ANKS1B: variants seen among roughly 807,000 people sequenced by gnomAD.
The protein encoded by ANKS1B is ankyrin repeat and sterile alpha motif domain-containing protein 1B.
ANKS1B carries 36 observed loss-of-function variants against 148.3 expected under a neutral mutation model. The ratio of observed to expected loss-of-function variants is 0.24; its 90% CI spans 0.19 to 0.32. ANKS1B has a LOEUF of 0.32. Among genes scored for constraint, ANKS1B ranks in the 10% least tolerant of loss-of-function variants. ANKS1B has a pLI of 1.00. For synonymous variants in ANKS1B, 542 were observed against 560.8 expected (o/e 0.97, Z 0.47); for missense variants, 1,157 against 1,542.6 (o/e 0.75, Z 4.19).
At chr12:99,257,027 G>A (rs1266719268) in intron 12 of ANKS1B, among the ~76,000 whole-genome samples, 1 of 152,068 alleles carries the variant, frequency 6.6e-6, no homozygotes, top group Admixed American at 6.5e-5. Flanking sequence ...GGTGGATCAC[G>A]AGGTCAGGAG....
chr12:98,780,161 T>C, intron 24 of ANKS1B, among the ~76,000 whole-genome samples: 1 of 152,208 alleles, frequency 6.6e-6, no homozygotes, highest in Non-Finnish European at 1.5e-5. Flanking sequence ...GTTCACCTGT[T>C]TCATGACTTC....
intron 17 of ANKS1B, among the ~76,000 whole-genome samples, chr12:98,942,916 C>T (rs185706084): frequency 3.3e-5 from 5 of 152,246 alleles, no homozygotes; most frequent in African/African-American, 1.2e-4. Flanking sequence ...TCTTTAAATA[C>T]GAAGCTCAGT....
rs540241367 is a variant in ANKS1B, at chr12:98,851,415, G to A, written c.2779-19279C>T. The stretch of plus-strand genomic sequence containing the variant: ...TCCAAGTAAAGAGCTATAGGAAGGC[G>A]ATTCTACACAGAGGAGACACCGTGT... On this transcript the variant is annotated intron_variant, in intron 17 of 26. Transcript: ENST00000683438. Among the ~76,000 whole-genome samples, 7 of 151,620 alleles carry A rather than the reference G, an allele frequency of 4.6e-5. No homozygotes were observed. The South Asian group carries it at 1.0e-3, about 23-fold the overall frequency.
At chr12:98,967,137 C>T (rs1015008057) in intron 17 of ANKS1B, among the ~76,000 whole-genome samples, 2 of 152,178 alleles carry the variant, frequency 1.3e-5, no homozygotes, top group Non-Finnish European at 2.9e-5. Flanking sequence ...ACCAGCTGTT[C>T]AGGGTGCTTT....
Position 99,407,189 on chromosome 12 carries a change from G to A in ANKS1B, c.1576-7378C>T, listed in dbSNP as rs2094550787. On this transcript the variant is annotated intron_variant, in intron 11 of 26. Coordinates refer to ENST00000683438, the MANE Select transcript of ANKS1B (RefSeq NM_001352186.2). ...AAAAAGGCCATTCATTATGATGAAG[G>A]GGAATTTATCCCAGGGATGCAAGGA... 2.1e-5 allele frequency among the ~76,000 whole-genome samples: 3 copies of A among 145,726 alleles called. 1 individual carries two copies. Among genetic ancestry groups the A allele is most frequent in the African/African-American group, 5.2e-5 (2 of 38,480 alleles).
At chr12:99,582,197 C>T (rs977047615) in intron 9 of ANKS1B, among the ~76,000 whole-genome samples, 9 of 151,558 alleles carry the variant, frequency 5.9e-5, no homozygotes, top group Admixed American at 5.3e-4. Context: ...ATGAACAATA[C>T]CAAGTGATGG....
chr12:99,788,239 A>G (rs761813465), intron 4 of ANKS1B, among the ~76,000 whole-genome samples: 2 of 152,188 alleles, frequency 1.3e-5, no homozygotes, highest in Non-Finnish European at 2.9e-5. Context: ...CTTCTATTTA[A>G]GGAGAGGAGA....
At chr12:99,932,207 T>G (rs532070837) in intron 1 of ANKS1B, among the ~76,000 whole-genome samples, 1 of 152,330 alleles carries the variant, frequency 6.6e-6, no homozygotes, top group East Asian at 1.9e-4. Flanking sequence ...TTTTGGCTAT[T>G]GGGAATAGTG....
At chr12:99,850,181 G>C (rs530442099) in intron 1 of ANKS1B, among the ~76,000 whole-genome samples, 1 of 151,898 alleles carries the variant, frequency 6.6e-6, no homozygotes, top group East Asian at 1.9e-4. Flanking sequence ...AGTCATTTCA[G>C]TTATATTAAT....
At chr12:99,256,976 T>TG (rs2075330085) in intron 12 of ANKS1B, among the ~76,000 whole-genome samples, 1 of 152,126 alleles carries the variant, frequency 6.6e-6, no homozygotes, top group Non-Finnish European at 1.5e-5. Context: ...CCGGGTGCAG[T>TG]GGCTCATGCC....
In ANKS1B at chr12:99,928,954, A is replaced by C. The variant is rs11110133; in HGVS notation, c.134+55150T>G. On this transcript the variant is annotated intron_variant, in intron 1 of 26. Transcript: ENST00000683438. ...CTAAAGGAACTAGGGAGTGATAAGT[A>C]AACTAGTTAGTAGAAGTATTAATAA... 4.8e-3 allele frequency among the ~76,000 whole-genome samples: 733 copies of C among 152,332 alleles called. 10 individuals are homozygous for C. Among genetic ancestry groups the C allele is most frequent in the African/African-American group, 0.017 (689 of 41,584 alleles).
Position 99,701,212 on chromosome 12 carries a change from G to C in ANKS1B, c.1129-46002C>G, listed in dbSNP as rs142629793. Among the ~76,000 whole-genome samples the C allele has an allele frequency of 2.6e-3, 392 of 152,174 alleles. 2 individuals carry two copies. Among genetic ancestry groups the C allele is most frequent in the Admixed American group, 0.012 (190 of 15,282 alleles). ...CCTGACACCAGTTGAGACACTTTGG[G>C]GTTGCAAGTGGGTTTGCACTTTGGG... is the stretch of plus-strand genomic sequence containing the variant. On this transcript the variant is annotated intron_variant, in intron 8 of 26. Transcript: ENST00000683438.
intron 15 of ANKS1B, among the ~76,000 whole-genome samples, chr12:99,092,024 A>G (rs1304567372): frequency 2.0e-5 from 3 of 152,212 alleles, no homozygotes; most frequent in Non-Finnish European, 2.9e-5. Context: ...CCGAAGCAAC[A>G]ATGAACCCTC....
intron 9 of ANKS1B, among the ~76,000 whole-genome samples, chr12:99,547,512 A>C (rs1446033773): frequency 1.3e-5 from 2 of 152,114 alleles, no homozygotes; most frequent in African/African-American, 4.8e-5. Flanking sequence ...CCCAACTCTA[A>C]AGCAAAGCAA....
chr12:99,051,525 C>G (rs564842184), intron 17 of ANKS1B, among the ~76,000 whole-genome samples: 14 of 152,172 alleles, frequency 9.2e-5, no homozygotes, highest in Non-Finnish European at 1.6e-4. Context: ...TAAAAAATAT[C>G]TATGAGTAGC....
In ANKS1B at chr12:99,712,118, C is replaced by T. The variant is rs115142747; in HGVS notation, c.1129-56908G>A. On this transcript the variant is annotated intron_variant, in intron 8 of 26. Transcript: ENST00000683438. ...AACAGAAAACCAAACATTGCCTGTT[C>T]GCACTTACAAGTGGGAGCTGAATGA... Among the ~76,000 whole-genome samples, 1,002 of 152,268 alleles carry T rather than the reference C, an allele frequency of 6.6e-3. 12 individuals carry two copies. The highest frequency in any genetic ancestry group is 0.023 in the African/African-American group (935 of 41,550).
In ANKS1B at chr12:99,142,248, G is replaced by C. The variant is rs2071123710; in HGVS notation, c.2526+12041C>G. Among the ~76,000 whole-genome samples, 4 of 151,982 alleles carry C rather than the reference G, an allele frequency of 2.6e-5. No homozygotes were observed. In the South Asian group the frequency reaches 8.3e-4, roughly 32 times the overall value. On this transcript the variant is annotated intron_variant, in intron 15 of 26. Transcript: ENST00000683438. ...AAAAAAAAAGTGGTCAGAATCAAAG[G>C]CCAGAGAAAGATCGGGTAAACAGGG...
intron 15 of ANKS1B, among the ~76,000 whole-genome samples, chr12:99,096,047 T>C (rs190239191): frequency 1.5e-3 from 221 of 152,312 alleles, no homozygotes; most frequent in African/African-American, 5.0e-3. Flanking sequence ...GTTATGGTTC[T>C]AAAGGAAGTA....
intron 1 of ANKS1B, among the ~76,000 whole-genome samples, chr12:99,935,698 T>C (rs1008596228): frequency 6.6e-6 from 1 of 152,118 alleles, no homozygotes; most frequent in African/African-American, 2.4e-5. Flanking sequence ...TTTGAATCTT[T>C]CTAACTTCAG....
Sources: gnomAD v4.1 joint callset for allele counts (sites outside exome capture counted in the v4.1 genomes callset) on GRCh38, gnomAD v4.1.1 for gene constraint, MANE v1.5 for transcripts, NCBI Gene and HGNC (gene_info 2026-07-23, HGNC 2026-07-21) for gene names.